Variants in CACFD1 observed in about 807,000 individuals in gnomAD.
CACFD1 encodes calcium channel flower domain containing 1.
In CACFD1, 26 loss-of-function variants were observed where a neutral mutation model predicts 21.3. The observed-to-expected ratio is 1.22, with a 90% CI of 0.89 to 1.69. CACFD1 has a LOEUF of 1.69. Ranked by LOEUF, CACFD1 falls within the 40% of genes most tolerant of loss-of-function variation. The probability of loss-of-function intolerance (pLI) is 0.00; values close to 1 mark genes in which losing one functional copy is unlikely to be tolerated. For synonymous variants in CACFD1, 121 were observed against 106.6 expected (o/e 1.13, Z -0.83); for missense variants, 265 against 236.2 (o/e 1.12, Z -0.80).
In CACFD1 at chr9:133,465,175, T is replaced by G. The variant is rs1843383277; in HGVS notation, c.195-147T>G. 3.8e-5 allele frequency: 33 copies of G among 868,644 alleles called. No homozygotes were observed. In the South Asian group the frequency reaches 4.8e-4, roughly 13 times the overall value. 53.8% of individuals were successfully genotyped at this position (868,644 alleles called of 1,614,324 possible). On this transcript the variant is annotated intron_variant, in intron 2 of 4. Coordinates refer to ENST00000316948, the MANE Select transcript of CACFD1 (RefSeq NM_017586.5). The surrounding 1 kb of genome is among the most constrained non-coding windows in gnomAD (Gnocchi z 5.0). ...CTCCGAGGGGTACGAGCAGGTGCCC[T>G]GGAGCAGCCGGGCGGCTTCCCAGAG... is the stretch of plus-strand genomic sequence containing the variant.
chr9:133,470,229 G>A lies in CACFD1; in HGVS notation c.*1576G>A, dbSNP rs75342652. 3.5e-4 allele frequency: 53 copies of A among 151,496 alleles called. No individual in the cohort carries two copies. The highest frequency in any genetic ancestry group is 9.7e-4 in the East Asian group (5 of 5,152). 9.4% of individuals were successfully genotyped at this position (151,496 alleles called of 1,614,324 possible). ...TGTGTGTGTGTGTGTGTGTGTGTAT[G>A]TATATGTGTGTGGGTGCACACATCT... On this transcript the variant is annotated 3_prime_UTR_variant, in exon 5 of 5. Coordinates refer to ENST00000316948, the MANE Select transcript of CACFD1 (RefSeq NM_017586.5).
chr9:133,462,150 G>T, intron 1 of CACFD1: 1 of 1,304,136 alleles, frequency 7.7e-7, no homozygotes, highest in South Asian at 1.2e-5. Context: ...CTGTGGGTTG[G>T]ACAGCTGGGG....
chr9:133,460,516 C>T (rs939422751), intron 1 of CACFD1, among the ~76,000 whole-genome samples: 4 of 92,706 alleles, frequency 4.3e-5, no homozygotes, highest in Non-Finnish European at 1.2e-4. Context: ...CGTGACTGAG[C>T]CCTCCCCCCG....
chr9:133,460,237 T>C (rs1183473615), intron 1 of CACFD1, 50 bp downstream of exon 1: 12 of 1,468,586 alleles, frequency 8.2e-6, no homozygotes, highest in Middle Eastern at 4.5e-4. Flanking sequence ...CATGCGCTCC[T>C]CGCCCTGCCC....
At chr9:133,464,009 G>A (rs1843328558) in intron 2 of CACFD1, among the ~76,000 whole-genome samples, 1 of 152,240 alleles carries the variant, frequency 6.6e-6, no homozygotes, top group South Asian at 2.1e-4. Context: ...TCGGAGCTGT[G>A]CCAAAGATAG....
chr9:133,464,757 C>T (rs1270681304), intron 2 of CACFD1, among the ~76,000 whole-genome samples: 1 of 152,098 alleles, frequency 6.6e-6, no homozygotes, highest in Non-Finnish European at 1.5e-5. Context: ...TCCTCCCCAG[C>T]GTGGGCTTCC....
At chr9:133,460,259 G>T (rs1843089389) in intron 1 of CACFD1, 72 bp downstream of exon 1, 2 of 1,338,108 alleles carry the variant, frequency 1.5e-6, no homozygotes, top group African/African-American at 3.1e-5. Flanking sequence ...GCCCCGCCCC[G>T]CCCCGGCGGC....
In CACFD1 at chr9:133,463,572, C is replaced by T. The variant is rs200743596; in HGVS notation, c.194+17C>T. The T allele has an allele frequency of 9.7e-5, 157 of 1,613,234 alleles. No individual in the cohort carries two copies. Among genetic ancestry groups the T allele is most frequent in the Middle Eastern group, 8.2e-4 (5 of 6,062 alleles). ...GTGGATGATGTGAGTAATGCATGGC[C>T]GTCCCACCCCGGGGGTCTTGCTGGT... On this transcript the variant is annotated intron_variant, in intron 2 of 4. Transcript: ENST00000316948.
In CACFD1 at chr9:133,470,259, C is replaced by G. The variant is rs1044004641; in HGVS notation, c.*1606C>G. ...TGTGTGTGGGTGCACACATCTGTCCCATGTATGCAGTGAGACCTGTCTACC... is the reference window on the plus strand; with the variant it reads ...TGTGTGTGGGTGCACACATCTGTCCGATGTATGCAGTGAGACCTGTCTACC... On this transcript the variant is annotated 3_prime_UTR_variant, in exon 5 of 5. Transcript: ENST00000316948. 6.6e-6 allele frequency: 1 copy of G among 152,436 alleles called. No individual in the cohort carries two copies. Among genetic ancestry groups the G allele is most frequent in the Admixed American group, 6.6e-5 (1 of 15,234 alleles). 9.4% of individuals were successfully genotyped at this position (152,436 alleles called of 1,614,324 possible).
Position 133,465,619 on chromosome 9 carries a change from C to G in CACFD1, c.320+172C>G, listed in dbSNP as rs1299093416. 1 of 678,256 alleles carries G rather than the reference C, an allele frequency of 1.5e-6. No individual in the cohort carries two copies. The highest frequency in any genetic ancestry group is 3.0e-5 in the Admixed American group (1 of 33,242). The allele number at this position is 678,256 out of a possible 1,614,324, so 42.0% of individuals were successfully genotyped here. A position where few individuals can be genotyped will look rare whatever the true frequency, so the allele number is the denominator to read the frequency against. ...TTGCTCATAGCTGCCAAAACGTGCC[C>G]CAGTGGTTCTGCGCCCAGGAACTCA... On this transcript the variant is annotated intron_variant, in intron 3 of 4. Coordinates refer to ENST00000316948, the MANE Select transcript of CACFD1 (RefSeq NM_017586.5). This position sits in a 1 kb window ranked among gnomAD's most constrained non-coding sequence, Gnocchi z 5.0.
intron 1 of CACFD1, among the ~76,000 whole-genome samples, chr9:133,460,523 C>CG (rs1290903726): frequency 8.4e-6 from 1 of 119,624 alleles, no homozygotes; most frequent in Non-Finnish European, 1.9e-5. Context: ...GAGCCCTCCC[C>CG]CCGCTCCCCA....
chr9:133,464,927 T>C (rs28627930), intron 2 of CACFD1: 6,630 of 176,188 alleles, frequency 0.038, 175 homozygotes, highest in Non-Finnish European at 0.046. Flanking sequence ...GCGATAATAC[T>C]AACAGCAGAC....
Position 133,460,088 on chromosome 9 carries a change from C to T in CACFD1, c.22C>T (p.Pro8Ser), listed in dbSNP as rs1026247670. 2 of 1,562,546 alleles carry T rather than the reference C, an allele frequency of 1.3e-6. No homozygotes were observed. The highest frequency in any genetic ancestry group is 2.4e-5 in the East Asian group (1 of 41,486). MSSSGGA[P>S]GASASSAPPA... is the part of the protein sequence containing the mutation. ...CACCATGAGCAGCTCAGGTGGGGCG[C>T]CCGGGGCGTCCGCCAGCTCTGCGCC... is the stretch of plus-strand genomic sequence containing the variant. Residue 8 changes from proline (P) to serine (S), a missense_variant, in exon 1 of 5, where the codon CCC (proline) becomes TCC (serine). Transcript: ENST00000316948.
rs1554798943 is a variant in CACFD1 at position 133,463,565 on chromosome 9, GC to G, written c.194+11del. On this transcript the variant is annotated intron_variant, in intron 2 of 4. Transcript: ENST00000316948. ...CCGGCGTGTGGATGATGTGAGTAAT[GC>G]ATGGCCGTCCCACCCCGGGGGTCTT... 6.2e-7 allele frequency: 1 copy of G among 1,613,694 alleles called. No homozygotes were observed. The highest frequency in any genetic ancestry group is 1.7e-5 in the Admixed American group (1 of 60,028).
At position 133,462,147 on chromosome 9, in the gene CACFD1, T is replaced by C. The variant is rs948374535; in HGVS notation, c.122-1336T>C. Reference sequence around the variant, plus strand: ...GTCCTCCCCCAAGGCTGGCTGTGGGTTGGACAGCTGGGGTAGGGTTGGAGC... The same window carrying C: ...GTCCTCCCCCAAGGCTGGCTGTGGGCTGGACAGCTGGGGTAGGGTTGGAGC... On this transcript the variant is annotated intron_variant, in intron 1 of 4. Transcript: ENST00000316948. 4 of 1,303,976 alleles carry C rather than the reference T, an allele frequency of 3.1e-6. No homozygotes were observed. In the African/African-American group the frequency reaches 4.6e-5, roughly 15 times the overall value. 80.8% of individuals were successfully genotyped at this position (1,303,976 alleles called of 1,614,324 possible).
intron 1 of CACFD1, among the ~76,000 whole-genome samples, 163 bp downstream of exon 1, chr9:133,460,350 C>T (rs1554798113): frequency 6.6e-6 from 1 of 151,362 alleles, no homozygotes; most frequent in Non-Finnish European, 1.5e-5. Flanking sequence ...CGCCGGGAGC[C>T]GGCGTCCTGG....
intron 2 of CACFD1, 150 bp downstream of exon 2, chr9:133,463,705 T>C (rs1588226574): frequency 1.4e-6 from 1 of 731,904 alleles, no homozygotes. Context: ...GCCTCGGGCA[T>C]GTGAGTTTCT....
chr9:133,464,512 GC>G (rs1843354121), intron 2 of CACFD1, among the ~76,000 whole-genome samples: 1 of 152,088 alleles, frequency 6.6e-6, no homozygotes, highest in African/African-American at 2.4e-5. Flanking sequence ...GAGAGTGCCT[GC>G]CCCGGGCTTG....
chr9:133,462,036 G>C lies in CACFD1; in HGVS notation c.122-1447G>C, dbSNP rs1843238999. The C allele has an allele frequency of 3.1e-6, 4 of 1,279,406 alleles. No homozygotes were observed. The South Asian group carries it at 3.9e-5, about 12-fold the overall frequency. The allele number at this position is 1,279,406 out of a possible 1,614,324, so 79.3% of individuals were successfully genotyped here. Reference sequence around the variant, plus strand: ...CAGCCCCCTCACGTGGAAGATATCAGCATTGAGGCCCCCAAGTGGACATCC... The same window carrying C: ...CAGCCCCCTCACGTGGAAGATATCACCATTGAGGCCCCCAAGTGGACATCC... On this transcript the variant is annotated intron_variant, in intron 1 of 4. Coordinates refer to ENST00000316948, the MANE Select transcript of CACFD1 (RefSeq NM_017586.5).
Sources: gnomAD v4.1 joint callset for allele counts (sites outside exome capture counted in the v4.1 genomes callset) on GRCh38, gnomAD v4.1.1 for gene constraint, Gnocchi (gnomAD v3.1) non-coding constraint, MANE v1.5 for transcripts, NCBI Gene and HGNC (gene_info 2026-07-23, HGNC 2026-07-21) for gene names.